Variants in RAF1 observed in about 807,000 individuals in gnomAD.
The protein encoded by RAF1 is RAF proto-oncogene serine/threonine-protein kinase.
In RAF1, 27 loss-of-function variants were observed where a neutral mutation model predicts 81.1. The observed-to-expected ratio is 0.33, with a 90% confidence interval of 0.25 to 0.46. The LOEUF (loss-of-function observed/expected upper bound fraction) is 0.46. Ranked by LOEUF, RAF1 falls within the 20% of genes least tolerant of loss-of-function variation. The probability of loss-of-function intolerance (pLI) is 1.00; values close to 1 mark genes in which losing one functional copy is unlikely to be tolerated. For missense variants in RAF1, 598 were observed against 826.0 expected, an observed-to-expected ratio of 0.72 and a Z score of 3.38; for synonymous variants, 298 against 294.0, an observed-to-expected ratio of 1.01 and a Z score of -0.14.
intron 1 of RAF1, 99 bp downstream of exon 1, chr3:12,663,714 G>A (rs2060958982): frequency 2.5e-6 from 1 of 392,864 alleles, no homozygotes; most frequent in Non-Finnish European, 4.5e-6. Context: ...CCGCGGGGCC[G>A]CTCCATCAGC....
At chr3:12,596,441 G>C (rs2058689625) in intron 11 of RAF1, among the ~76,000 whole-genome samples, 1 of 151,960 alleles carries the variant, frequency 6.6e-6, no homozygotes, top group South Asian at 2.1e-4. Context: ...TGATCTCCCT[G>C]CCTTGGCCTC....
intron 11 of RAF1, chr3:12,599,356 T>C (rs2058785449): frequency 3.4e-6 from 1 of 291,848 alleles, no homozygotes; most frequent in East Asian, 7.2e-5. Context: ...CTAGAACCCA[T>C]GCTCCCTCCA....
At chr3:12,611,646 G>A (rs1282845564) in intron 3 of RAF1, among the ~76,000 whole-genome samples, 1 of 152,124 alleles carries the variant, frequency 6.6e-6, no homozygotes, top group African/African-American at 2.4e-5. Flanking sequence ...CTTGCGGTGA[G>A]CCGAGATCGC....
At chr3:12,599,026 A>T (rs573916673) in intron 11 of RAF1, 1 of 152,574 alleles carries the variant, frequency 6.6e-6, no homozygotes, top group African/African-American at 2.4e-5. Flanking sequence ...AGGCATTAAA[A>T]ACCTAACAGA....
intron 1 of RAF1, among the ~76,000 whole-genome samples, chr3:12,637,594 G>A (rs747798259): frequency 1.1e-4 from 16 of 151,986 alleles, no homozygotes; most frequent in Non-Finnish European, 1.8e-4. Context: ...AATGGAGGCC[G>A]GGCACAGTGG....
chr3:12,602,442 C>A (rs1033217585), intron 8 of RAF1, among the ~76,000 whole-genome samples: 7 of 152,184 alleles, frequency 4.6e-5, no homozygotes, highest in Non-Finnish European at 7.3e-5. Context: ...ACCTCAAACT[C>A]CTGGGCTCAA....
intron 1 of RAF1, among the ~76,000 whole-genome samples, chr3:12,628,208 C>T (rs1208536176): frequency 3.3e-5 from 5 of 152,230 alleles, no homozygotes; most frequent in Admixed American, 3.3e-4. Context: ...TGCCTGTAAT[C>T]CCTGCACTTC....
intron 2 of RAF1, among the ~76,000 whole-genome samples, chr3:12,618,179 T>A (rs529363914): frequency 6.6e-6 from 1 of 152,238 alleles, no homozygotes; most frequent in African/African-American, 2.4e-5. Flanking sequence ...ATAGAAGAAA[T>A]AAAATGTCTT....
chr3:12,617,218 T>C (rs2059396145), intron 2 of RAF1, among the ~76,000 whole-genome samples: 2 of 152,196 alleles, frequency 1.3e-5, no homozygotes. Flanking sequence ...GTTCGAGTGA[T>C]TCTCCTGCCT....
chr3:12,609,993 A>G (rs1456974079), intron 3 of RAF1, among the ~76,000 whole-genome samples: 1 of 152,232 alleles, frequency 6.6e-6, no homozygotes, highest in Non-Finnish European at 1.5e-5. Context: ...GTACTTTTCT[A>G]TTAATTAATA....
intron 1 of RAF1, among the ~76,000 whole-genome samples, chr3:12,636,850 A>C (rs574481650): frequency 6.6e-6 from 1 of 152,226 alleles, no homozygotes; most frequent in African/African-American, 2.4e-5. Flanking sequence ...ACATCAATGA[A>C]CAGCAGCGGC....
chr3:12,603,529 G>A lies in RAF1; in HGVS notation c.843C>T (p.Asn281=), dbSNP rs1483445702. 1.4e-6 allele frequency: 1 copy of A among 701,248 alleles called. No individual in the cohort carries two copies. Among genetic ancestry groups the A allele is most frequent in the East Asian group, 2.7e-5 (1 of 37,266 alleles). 43.4% of individuals were successfully genotyped at this position (701,248 alleles called of 1,614,324 possible). ...ACCACGCCCTGGGAGAAGCACTCAG[G>A]TTGTTATTCTAGTCCAAAGCAATGA... The change falls in exon 8 of 18, where the codon AAC becomes AAT. Residue 281 remains asparagine, a synonymous_variant. Transcript: ENST00000442415.
intron 14 of RAF1, chr3:12,587,329 A>G (rs938650524): frequency 1.9e-6 from 1 of 531,078 alleles, no homozygotes; most frequent in Non-Finnish European, 3.4e-6. Context: ...GCTTACGGAA[A>G]TCTCTCCAAA....
Position 12,600,414 on chromosome 3 carries a change from T to A in RAF1, c.896A>T (p.Asp299Val), listed in dbSNP as rs777757976. ...TGATTCGCTGTGACTTCGAATTGCA[T>A]CCTGAAACAGAAAAGGAAAGCTGGT... The change falls in exon 9 of 18, where the codon GAT becomes GTT. Residue 299 changes from aspartate to valine, a missense_variant and splice_region_variant. By Grantham distance (152) the Asp-to-Val change is radical. This residue lies in a region of RAF1 where 194 missense variants were observed against 202.7 expected (regional missense o/e 0.96). Transcript: ENST00000442415. 6.2e-7 allele frequency: 1 copy of A among 1,613,934 alleles called. No homozygotes were observed. The highest frequency in any genetic ancestry group is 8.5e-7 in the Non-Finnish European group (1 of 1,179,998).
At chr3:12,617,430 T>G (rs1272137144) in intron 2 of RAF1, among the ~76,000 whole-genome samples, 1 of 152,120 alleles carries the variant, frequency 6.6e-6, no homozygotes, top group Non-Finnish European at 1.5e-5. Context: ...TTTTGAATTT[T>G]TTTTTGTAGA....
Position 12,640,690 on chromosome 3 carries a change from C to T in RAF1, c.-26-21943G>A, listed in dbSNP as rs1421540915. On this transcript the variant is annotated intron_variant, in intron 1 of 17. Coordinates refer to ENST00000442415, the MANE Select transcript of RAF1 (RefSeq NM_001354689.3). Reference sequence around the variant, plus strand: ...TACCATCTCACACCAGTTAGAATGACGATCATTAAAAAGTCAGGAAACAAC... The same window carrying T: ...TACCATCTCACACCAGTTAGAATGATGATCATTAAAAAGTCAGGAAACAAC... 4.6e-5 allele frequency among the ~76,000 whole-genome samples: 7 copies of T among 151,782 alleles called. No homozygotes were observed. In the South Asian group the frequency reaches 6.2e-4, roughly 14 times the overall value.
chr3:12,584,764 A>G lies in RAF1; in HGVS notation c.1863+83T>C. ...GACCTGGGTCCCCTCCCTATAAAACAAAACAAAACACTCCCACCTTATATT... is the reference window on the plus strand; with the variant it reads ...GACCTGGGTCCCCTCCCTATAAAACGAAACAAAACACTCCCACCTTATATT... On this transcript the variant is annotated intron_variant, in intron 17 of 17. Transcript: ENST00000442415. 3.7e-6 allele frequency: 6 copies of G among 1,613,558 alleles called. No homozygotes were observed. The Admixed American group carries it at 1.0e-4, about 27-fold the overall frequency.
intron 2 of RAF1, 70 bp from the exon 3 acceptor site, chr3:12,612,132 T>A: frequency 1.4e-5 from 16 of 1,182,138 alleles, no homozygotes; most frequent in Non-Finnish European, 2.0e-5. Flanking sequence ...GGCACAGAAA[T>A]AAATGCACCA....
At chr3:12,603,115 T>G (rs2058914613) in intron 8 of RAF1, among the ~76,000 whole-genome samples, 1 of 152,050 alleles carries the variant, frequency 6.6e-6, no homozygotes, top group Non-Finnish European at 1.5e-5. Context: ...CCAGTTGGAG[T>G]GCAATGGCTA....
Sources: gnomAD v4.1 joint callset for allele counts (sites outside exome capture counted in the v4.1 genomes callset) on GRCh38, gnomAD v4.1.1 for gene constraint, gnomAD v4.1.1 regional missense constraint, MANE v1.5 for transcripts, NCBI Gene and HGNC (gene_info 2026-07-23, HGNC 2026-07-21) for gene names.